Variants in ZNF875 observed in about 807,000 individuals in gnomAD.
The protein encoded by ZNF875 is zinc finger protein 875, also known as HKR1, GLI-Kruppel zinc finger family member.
ZNF875 carries 14 observed loss-of-function variants against 11.2 expected under a neutral mutation model. The observed-to-expected ratio is 1.26, with a 90% CI of 0.83 to 1.96. The LOEUF (loss-of-function observed/expected upper bound fraction) is 1.96, where lower values mean the gene tolerates loss of function less well. ZNF875 is among the 30% of genes most tolerant of loss of function. The pLI is 0.00. For missense variants in ZNF875, 752 were observed against 760.4 expected (o/e 0.99, Z 0.13); for synonymous variants, 301 against 281.1 (o/e 1.07, Z -0.71).
chr19:37,349,032 C>T (rs2037358165), intron 4 of ZNF875, among the ~76,000 whole-genome samples: 1 of 152,120 alleles, frequency 6.6e-6, no homozygotes, highest in South Asian at 2.1e-4. Flanking sequence ...AAGAATCTGT[C>T]CCATGCCTCT....
intron 4 of ZNF875, chr19:37,328,515 C>G (rs1156715480): frequency 6.6e-6 from 1 of 152,228 alleles, no homozygotes; most frequent in Non-Finnish European, 1.5e-5. Flanking sequence ...TTGGCTTCCT[C>G]CCTTTCTGTC....
chr19:37,362,098 T>G lies in ZNF875; in HGVS notation c.257-11T>G. 1.9e-6 allele frequency: 3 copies of G among 1,599,678 alleles called. No homozygotes were observed. Among genetic ancestry groups the G allele is most frequent in the Non-Finnish European group, 2.6e-6 (3 of 1,171,110 alleles). The stretch of plus-strand genomic sequence containing the variant: ...CCTATGGCCCCTCTGAAAATGTTCT[T>G]TCTTCAGCAGAATCGAAGCCAGAAA... On this transcript the variant is annotated splice_polypyrimidine_tract_variant and intron_variant, in intron 4 of 4. Transcript: ENST00000392153.
intron 4 of ZNF875, among the ~76,000 whole-genome samples, chr19:37,348,407 G>A (rs1019832961): frequency 1.3e-5 from 2 of 152,068 alleles, no homozygotes; most frequent in Non-Finnish European, 1.5e-5. Flanking sequence ...TCCCTCCAAT[G>A]GAATTGTTTT....
At chr19:37,341,309 G>A (rs2035675245) in intron 2 of ZNF875, among the ~76,000 whole-genome samples, 2 of 152,172 alleles carry the variant, frequency 1.3e-5, no homozygotes, top group East Asian at 1.9e-4. Flanking sequence ...TGGGCTGGCC[G>A]CAGGTAGGTT....
chr19:37,349,303 T>G (rs528996636), intron 4 of ZNF875, among the ~76,000 whole-genome samples: 93 of 152,340 alleles, frequency 6.1e-4, no homozygotes, highest in Non-Finnish European at 4.4e-4. Flanking sequence ...TGTCATTTTT[T>G]GGGGAAACAG....
At chr19:37,349,445 C>T (rs2037428896) in intron 4 of ZNF875, among the ~76,000 whole-genome samples, 1 of 152,096 alleles carries the variant, frequency 6.6e-6, no homozygotes, top group African/African-American at 2.4e-5. Flanking sequence ...TATGAAATGG[C>T]CTCTCATAGT....
In ZNF875 at chr19:37,362,739, A is replaced by G. The variant is rs2040159116; in HGVS notation, c.887A>G (p.Asn296Ser). 3 of 1,613,378 alleles carry G rather than the reference A, an allele frequency of 1.9e-6. No individual in the cohort carries two copies. The highest frequency in any genetic ancestry group is 2.5e-6 in the Non-Finnish European group (3 of 1,179,636). The part of the protein sequence containing the change: ...ECGRGFTWKS[N>S]LITHQRTHSG... ...GGGCGAGGCTTTACGTGGAAGTCAA[A>G]CCTGATCACACATCAGAGGACACAC... The change falls in exon 5 of 5, where the codon AAC becomes AGC. Residue 296 changes from asparagine (N) to serine (S), a missense_variant. Coordinates refer to ENST00000392153, the MANE Select transcript of ZNF875 (RefSeq NM_001353803.2).
At chr19:37,358,327 T>G (rs1375793598) in intron 4 of ZNF875, among the ~76,000 whole-genome samples, 5 of 151,086 alleles carry the variant, frequency 3.3e-5, no homozygotes, top group African/African-American at 1.2e-4. Flanking sequence ...TTGTATTTTT[T>G]TAGTAGAGAT....
At chr19:37,326,663 GC>G (rs2032494505) in intron 4 of ZNF875, among the ~76,000 whole-genome samples, 1 of 110,890 alleles carries the variant, frequency 9.0e-6, no homozygotes. Context: ...AAATTAGAAA[GC>G]TTTTTTTTTT....
intron 4 of ZNF875, among the ~76,000 whole-genome samples, chr19:37,324,433 T>A (rs1032932241): frequency 1.3e-5 from 2 of 152,220 alleles, no homozygotes; most frequent in Admixed American, 6.5e-5. Flanking sequence ...CTGGTTTTTT[T>A]AAAATTACTG....
intron 3 of ZNF875, 82 bp from the exon 4 acceptor site, chr19:37,347,695 C>T: frequency 1.2e-6 from 1 of 861,280 alleles, no homozygotes; most frequent in East Asian, 2.5e-5. Flanking sequence ...TCTGGGTTTC[C>T]TCACCCATTT....
intron 2 of ZNF875, among the ~76,000 whole-genome samples, 186 bp downstream of exon 2, chr19:37,335,443 C>T (rs1359861672): frequency 6.6e-6 from 1 of 152,058 alleles, no homozygotes; most frequent in Non-Finnish European, 1.5e-5. Context: ...CTGTTCAGGG[C>T]GCCACTTGTA....
intron 4 of ZNF875, among the ~76,000 whole-genome samples, chr19:37,352,838 T>C (rs1462772006): frequency 6.6e-6 from 1 of 151,702 alleles, no homozygotes; most frequent in Non-Finnish European, 1.5e-5. Context: ...ACTTTTGTTT[T>C]AATGTTTTAA....
intron 4 of ZNF875, 181 bp from the exon 5 acceptor site, chr19:37,361,928 A>T: frequency 3.5e-6 from 2 of 569,894 alleles, no homozygotes. Context: ...AAAAAAACAA[A>T]AAAACAAAAG....
intron 2 of ZNF875, among the ~76,000 whole-genome samples, chr19:37,336,781 G>T (rs909104229): frequency 6.6e-6 from 1 of 151,584 alleles, no homozygotes; most frequent in African/African-American, 2.4e-5. Flanking sequence ...GGTGGCAAGC[G>T]CCTGTAGTCC....
chr19:37,363,685 A>G lies in ZNF875; in HGVS notation c.1833A>G (p.Ser611=), dbSNP rs769348944. Residue 611 remains serine, a synonymous_variant, in exon 5 of 5, where the codon TCA becomes TCG. Transcript: ENST00000392153. The part of the protein sequence containing the change: ...SHLIRHQRTH[S]GEKPYICRKC... ...TCATTAGACACCAGAGGACACATTC[A>G]GGAGAGAAGCCTTATATTTGCAGAA... is the stretch of plus-strand genomic sequence containing the variant. 8.1e-6 allele frequency: 13 copies of G among 1,613,364 alleles called. No individual in the cohort carries two copies. The East Asian group carries it at 2.5e-4, about 30-fold the overall frequency.
At chr19:37,322,027 A>G (rs1262076608) in intron 1 of ZNF875, among the ~76,000 whole-genome samples, 2 of 152,238 alleles carry the variant, frequency 1.3e-5, no homozygotes, top group African/African-American at 4.8e-5. Flanking sequence ...GGTCCTGCAC[A>G]GAACAGGCTA....
chr19:37,331,335 T>G (rs1239746462), upstream of ZNF875, among the ~76,000 whole-genome samples: 1 of 151,592 alleles, frequency 6.6e-6, no homozygotes, highest in Non-Finnish European at 1.5e-5. Flanking sequence ...GTTCAAGTGA[T>G]TCTCCTGCCT....
chr19:37,350,475 C>T (rs2037662775), intron 4 of ZNF875, among the ~76,000 whole-genome samples: 1 of 152,080 alleles, frequency 6.6e-6, no homozygotes. Context: ...ACTCTTCACC[C>T]TGCTTTCCCC....
Sources: gnomAD v4.1 joint callset for allele counts (sites outside exome capture counted in the v4.1 genomes callset) on GRCh38, gnomAD v4.1.1 for gene constraint, MANE v1.5 for transcripts, NCBI Gene and HGNC (gene_info 2026-07-23, HGNC 2026-07-21) for gene names.